Variants in CD101 observed in about 807,000 individuals in gnomAD.
The protein encoded by CD101 is CD101 molecule, also known as immunoglobulin superfamily member 2.
In CD101, 76 loss-of-function variants were observed where a neutral mutation model predicts 98.2. The ratio of observed to expected loss-of-function variants is 0.77; its 90% CI spans 0.64 to 0.94. The LOEUF is 0.94. CD101 is among the 40% of genes least tolerant of loss of function. The probability of loss-of-function intolerance (pLI) is 0.00; values close to 1 mark genes in which losing one functional copy is unlikely to be tolerated. For missense variants in CD101, 1,145 were observed against 1,218.8 expected (o/e 0.94, Z 0.90); for synonymous variants, 471 against 472.7 (o/e 1.00, Z 0.05).
In CD101 at chr1:117,022,798, G is replaced by A. The variant is rs546235625; in HGVS notation, c.2428+815G>A. ...GGAATACAAAGATAAAGAAGGCACAGCCCTGGCCCTTAAGGAGCTCCCAGT... is the reference window on the plus strand; with the variant it reads ...GGAATACAAAGATAAAGAAGGCACAACCCTGGCCCTTAAGGAGCTCCCAGT... On this transcript the variant is annotated intron_variant, in intron 7 of 9. Coordinates refer to ENST00000682167, the MANE Select transcript of CD101 (RefSeq NM_001256106.3). This position sits in a 1 kb window ranked among gnomAD's most constrained non-coding sequence, Gnocchi z 4.8. 1.5e-4 allele frequency among the ~76,000 whole-genome samples: 23 copies of A among 152,332 alleles called. No homozygotes were observed. In the South Asian group the frequency reaches 4.8e-3, roughly 32 times the overall value.
At chr1:117,007,202 GCA>G (rs2101113280) in intron 1 of CD101, among the ~76,000 whole-genome samples, 1 of 151,866 alleles carries the variant, frequency 6.6e-6, no homozygotes, top group South Asian at 2.1e-4. Context: ...TAACAAATAA[GCA>G]CAAAGTAAAA....
At position 117,025,760 on chromosome 1, in the gene CD101, C is replaced by T; in HGVS notation, c.2680C>T (p.Leu894=). 1.2e-6 allele frequency: 2 copies of T among 1,614,188 alleles called. No individual in the cohort carries two copies. The highest frequency in any genetic ancestry group is 1.7e-6 in the Non-Finnish European group (2 of 1,180,026). Residue 894 remains leucine (L), a synonymous_variant, in exon 8 of 10, where the codon CTG becomes TTG. Coordinates refer to ENST00000682167, the MANE Select transcript of CD101 (RefSeq NM_001256106.3). The part of the protein sequence containing the change: ...CYRSSSTDFV[L]KLHQVEMEDA... Reference sequence around the variant, plus strand: ...CCGTTCATCCTCTACAGACTTTGTCCTGAAGCTTCATCAGGTGGAGATGGA... The same window carrying T: ...CCGTTCATCCTCTACAGACTTTGTCTTGAAGCTTCATCAGGTGGAGATGGA...
rs1653458141 is a variant in CD101, at chr1:117,019,800, C to T, written c.2017+1240C>T. ...CCATTATCATCCAAAGCTCTTTCTT[C>T]TGCATTGCCCCTTATGTCCCCACTC... On this transcript the variant is annotated intron_variant, in intron 6 of 9. Coordinates refer to ENST00000682167, the MANE Select transcript of CD101 (RefSeq NM_001256106.3). This position sits in a 1 kb window ranked among gnomAD's most constrained non-coding sequence, Gnocchi z 4.3. 6.6e-6 allele frequency among the ~76,000 whole-genome samples: 1 copy of T among 152,206 alleles called. No individual in the cohort carries two copies. The highest frequency in any genetic ancestry group is 2.1e-4 in the South Asian group (1 of 4,828).
In CD101 at chr1:117,011,813, A is replaced by T; in HGVS notation, c.688A>T (p.Thr230Ser). ...SDVQLNKLGP[T>S]TFRLSIERLQ... ...CGTACAGCTCAACAAACTGGGACCCACTACATTCAGGCTGTCCATAGAGAG... is the reference window on the plus strand; with the variant it reads ...CGTACAGCTCAACAAACTGGGACCCTCTACATTCAGGCTGTCCATAGAGAG... Residue 230 changes from threonine (T) to serine (S), a missense_variant, in exon 3 of 10, where the codon ACT becomes TCT. By Grantham distance (58) the Thr-to-Ser change is moderately conservative. Coordinates refer to ENST00000682167, the MANE Select transcript of CD101 (RefSeq NM_001256106.3). 6.2e-7 allele frequency: 1 copy of T among 1,614,178 alleles called. No homozygotes were observed. Among genetic ancestry groups the T allele is most frequent in the Non-Finnish European group, 8.5e-7 (1 of 1,180,022 alleles).
At chr1:117,026,637 G>A (rs1024121367) in intron 8 of CD101, 1 of 152,214 alleles carries the variant, frequency 6.6e-6, no homozygotes, top group African/African-American at 2.4e-5. Context: ...AGTTTTTGCA[G>A]TAGAATAAAT....
intron 8 of CD101, among the ~76,000 whole-genome samples, chr1:117,027,786 A>G (rs1210403783): frequency 6.6e-6 from 1 of 152,246 alleles, no homozygotes; most frequent in Non-Finnish European, 1.5e-5. Context: ...AAGTTCCCAC[A>G]TTAAAATGAA....
rs1291615941 is a variant in CD101 at position 117,025,688 on chromosome 1, T to A, written c.2608T>A (p.Leu870Met). ...KLLVHLQHDG[L>M]LEYGEEGLRR... Reference sequence around the variant, plus strand: ...GCTGGTGCACTTGCAACATGATGGCTTGCTGGAGTATGGGGAAGAGGGGCT... The same window carrying A: ...GCTGGTGCACTTGCAACATGATGGCATGCTGGAGTATGGGGAAGAGGGGCT... Residue 870 changes from leucine (L) to methionine (M), a missense_variant, in exon 8 of 10, where the codon TTG becomes ATG. Leu to Met is a conservative substitution (Grantham distance 15). Coordinates refer to ENST00000682167, the MANE Select transcript of CD101 (RefSeq NM_001256106.3). The A allele has an allele frequency of 8.7e-6, 14 of 1,614,168 alleles. No individual in the cohort carries two copies. Among genetic ancestry groups the A allele is most frequent in the Non-Finnish European group, 1.1e-5 (13 of 1,180,032 alleles).
intron 8 of CD101, among the ~76,000 whole-genome samples, chr1:117,030,495 AG>A (rs955493585): frequency 2.0e-5 from 3 of 152,084 alleles, no homozygotes; most frequent in Non-Finnish European, 4.4e-5. Flanking sequence ...AAAGAGAGAA[AG>A]GGAAAGGGGA....
chr1:117,025,986 T>C (rs1220386245), intron 8 of CD101, 82 bp downstream of exon 8: 1 of 1,435,230 alleles, frequency 7.0e-7, no homozygotes, highest in East Asian at 2.3e-5. Flanking sequence ...TCACCTATCT[T>C]TTGCTCCTTC....
rs570962582 is a variant in CD101 at position 117,010,245 on chromosome 1, C to T, written c.424+15C>T. The T allele has an allele frequency of 1.9e-6, 3 of 1,593,326 alleles. No individual in the cohort carries two copies. Among genetic ancestry groups the T allele is most frequent in the South Asian group, 1.1e-5 (1 of 88,328 alleles). ...TAATCTAATTGGTAAGTTGCTTGTC[C>T]ACTTCTGCTAGCCAGCCCCTGAGAA... On this transcript the variant is annotated intron_variant, in intron 2 of 9. Transcript: ENST00000682167. This position sits in a 1 kb window ranked among gnomAD's most constrained non-coding sequence, Gnocchi z 5.2.
intron 8 of CD101, chr1:117,033,000 C>T (rs1021022710): frequency 2.0e-5 from 3 of 152,388 alleles, no homozygotes; most frequent in African/African-American, 2.4e-5. Context: ...GCAAAAGTTA[C>T]TGAGCACATG....
chr1:117,018,183 G>A lies in CD101; in HGVS notation c.1640G>A (p.Ser547Asn). ...TCAAGTTTACAAGTTAGTCTGATGA[G>A]CCGTCAGCCGCAAGTGATGTTAACC... ...LESSLQVSLMSRQPQVMLTNT... is the reference protein window; with the variant it reads ...LESSLQVSLMNRQPQVMLTNT... Residue 547 changes from serine (S) to asparagine (N), a missense_variant, in exon 6 of 10, where the codon AGC becomes AAC. Physicochemically the swap from Ser to Asn is conservative, Grantham distance 46 (BLOSUM62 1). Transcript: ENST00000682167. The surrounding 1 kb of genome is among the most constrained non-coding windows in gnomAD (Gnocchi z 4.3). The A allele has an allele frequency of 1.2e-6, 2 of 1,604,600 alleles. No individual in the cohort carries two copies. Among genetic ancestry groups the A allele is most frequent in the Non-Finnish European group, 1.7e-6 (2 of 1,174,036 alleles).
At chr1:117,029,202 A>G (rs60922389) in intron 8 of CD101, among the ~76,000 whole-genome samples, 8 of 95,684 alleles carry the variant, frequency 8.4e-5, no homozygotes, top group Non-Finnish European at 1.0e-4. Flanking sequence ...AAAGAAAGAA[A>G]GAAAAGAAAG....
chr1:117,001,918 C>A, intron 1 of CD101, 58 bp downstream of exon 1: 1 of 1,510,904 alleles, frequency 6.6e-7, no homozygotes, highest in Non-Finnish European at 9.2e-7. Context: ...ACTCAGGGTG[C>A]TGAGTGATGG....
chr1:117,029,239 AAGAAAGAAAGAAAGAAAGAAAG>A (rs1654258102), intron 8 of CD101, among the ~76,000 whole-genome samples: 1 of 144,576 alleles, frequency 6.9e-6, no homozygotes, highest in Non-Finnish European at 1.5e-5. Context: ...GAAAGAAAGA[AAGAAAGAAAGAAAGAAAGAAAG>A]AAAGAAAGAA....
chr1:117,029,459 T>G (rs1654303662), intron 8 of CD101, among the ~76,000 whole-genome samples: 2 of 152,322 alleles, frequency 1.3e-5, no homozygotes, highest in South Asian at 4.1e-4. Flanking sequence ...GTCAACACTC[T>G]CATCCTTCAT....
chr1:117,013,858 CCCTT>C (rs1653046992), intron 4 of CD101, 66 bp downstream of exon 4: 2 of 1,456,814 alleles, frequency 1.4e-6, no homozygotes, highest in South Asian at 2.8e-5. Context: ...AGTGGAAGAC[CCCTT>C]CGTGGATACA....
intron 1 of CD101, 51 bp downstream of exon 1, chr1:117,001,911 C>G (rs188472562): frequency 3.3e-4 from 521 of 1,558,108 alleles, no homozygotes; most frequent in Non-Finnish European, 4.2e-4. Context: ...TTCATCAACT[C>G]AGGGTGCTGA....
rs866557253 is a variant in CD101 at position 117,029,216 on chromosome 1, A to G, written c.2824+3312A>G. ...GAAAGAAAGAAAGAAAAGAAAGAAAAGAAAGAAAGAAAGAAAGAAAGAAAG... is the reference window on the plus strand; with the variant it reads ...GAAAGAAAGAAAGAAAAGAAAGAAAGGAAAGAAAGAAAGAAAGAAAGAAAG... On this transcript the variant is annotated intron_variant, in intron 8 of 9. Coordinates refer to ENST00000682167, the MANE Select transcript of CD101 (RefSeq NM_001256106.3). Among the ~76,000 whole-genome samples, 27 of 26,698 alleles carry G rather than the reference A, an allele frequency of 1.0e-3. 1 individual carries two copies. Among genetic ancestry groups the G allele is most frequent in the South Asian group, 6.9e-3 (5 of 728 alleles). 17.5% of individuals were successfully genotyped at this position (26,698 alleles called of 152,430 possible).
Sources: gnomAD v4.1 joint callset for allele counts (sites outside exome capture counted in the v4.1 genomes callset) on GRCh38, gnomAD v4.1.1 for gene constraint, Gnocchi (gnomAD v3.1) non-coding constraint, MANE v1.5 for transcripts, NCBI Gene and HGNC (gene_info 2026-07-23, HGNC 2026-07-21) for gene names.